Variants in CSMD1 observed in about 807,000 individuals in gnomAD.
CSMD1 encodes the protein CUB and Sushi multiple domains 1, also known as CUB and sushi domain-containing protein 1.
In CSMD1, 213 loss-of-function variants were observed where a neutral mutation model predicts 417.5. That is an observed-to-expected ratio of 0.51 (90% CI 0.46 to 0.57). CSMD1 has a LOEUF of 0.57. CSMD1 is among the 20% of genes least tolerant of loss of function. The pLI, the probability that CSMD1 is intolerant of heterozygous loss-of-function variation, is 0.00. For missense variants in CSMD1, 6,923 were observed against 4,529.7 expected, an observed-to-expected ratio of 1.53 and a Z score of -15.17; for synonymous variants, 2,862 against 1,736.8, an observed-to-expected ratio of 1.65 and a Z score of -16.11.
intron 1 of CSMD1, among the ~76,000 whole-genome samples, chr8:4,955,023 G>C (rs968921164): frequency 2.6e-5 from 4 of 152,156 alleles, no homozygotes; most frequent in Non-Finnish European, 4.4e-5. Context: ...GAGAAAGCCA[G>C]CTGATTTTCT....
At chr8:4,993,923 C>A (rs1278967841) in intron 1 of CSMD1, among the ~76,000 whole-genome samples, 3 of 152,124 alleles carry the variant, frequency 2.0e-5, no homozygotes, top group African/African-American at 7.2e-5. Flanking sequence ...CTTTCCCAGG[C>A]GCGTCGGGTC....
At chr8:4,153,665 C>T (rs577213225) in intron 3 of CSMD1, among the ~76,000 whole-genome samples, 10 of 152,308 alleles carry the variant, frequency 6.6e-5, no homozygotes, top group East Asian at 1.9e-4. Context: ...TTTCTCATAA[C>T]GTCACTGCCT....
intron 1 of CSMD1, among the ~76,000 whole-genome samples, chr8:4,841,613 A>AT (rs1456153995): frequency 1.2e-4 from 19 of 152,134 alleles, no homozygotes; most frequent in African/African-American, 4.6e-4. Flanking sequence ...AAATAATCAT[A>AT]TAGAAGTTCA....
chr8:3,585,205 G>A (rs1004251748), intron 9 of CSMD1, among the ~76,000 whole-genome samples: 1 of 152,190 alleles, frequency 6.6e-6, no homozygotes, highest in East Asian at 1.9e-4. Context: ...CGATAGTGAC[G>A]TGTTTGGTAA....
In CSMD1 at chr8:3,894,034, C is replaced by G. The variant is rs562098907; in HGVS notation, c.818+103869G>C. On this transcript the variant is annotated intron_variant, in intron 5 of 69. Transcript: ENST00000635120. ...GTAAAACTCCCATAAAGGGAGTCTC[C>G]ATAGTGCTGGTCATTGCTGCCACAT... 1.1e-4 allele frequency among the ~76,000 whole-genome samples: 17 copies of G among 152,180 alleles called. No individual in the cohort carries two copies. In the South Asian group the frequency reaches 3.6e-3, roughly 32 times the overall value.
chr8:4,929,280 T>G (rs1470080467), intron 1 of CSMD1, among the ~76,000 whole-genome samples: 2 of 152,174 alleles, frequency 1.3e-5, no homozygotes, highest in Admixed American at 1.3e-4. Flanking sequence ...ACCGTCGTTG[T>G]GGACTTCCAG....
chr8:4,632,718 C>A (rs1802597036), intron 2 of CSMD1, among the ~76,000 whole-genome samples: 1 of 152,120 alleles, frequency 6.6e-6, no homozygotes, highest in Non-Finnish European at 1.5e-5. Context: ...AGTAGGTGGC[C>A]AGTGTTACAG....
At chr8:3,711,612 G>C (rs1390110294) in intron 6 of CSMD1, among the ~76,000 whole-genome samples, 8 of 152,098 alleles carry the variant, frequency 5.3e-5, no homozygotes, top group Admixed American at 5.2e-4. Context: ...CTGTGTTGTG[G>C]TGACAAATAT....
At chr8:3,560,754 G>C (rs1178049496) in intron 10 of CSMD1, among the ~76,000 whole-genome samples, 2 of 152,170 alleles carry the variant, frequency 1.3e-5, no homozygotes, top group Non-Finnish European at 2.9e-5. Flanking sequence ...CCTTTCAGGA[G>C]AACTTTTTTG....
intron 59 of CSMD1, among the ~76,000 whole-genome samples, chr8:2,964,436 G>T (rs966212365): frequency 3.3e-5 from 5 of 152,196 alleles, no homozygotes; most frequent in African/African-American, 1.2e-4. Flanking sequence ...GAAGAGACCT[G>T]AGCTACATGG....
At chr8:4,969,032 C>A (rs1285330111) in intron 1 of CSMD1, among the ~76,000 whole-genome samples, 1 of 152,180 alleles carries the variant, frequency 6.6e-6, no homozygotes, top group East Asian at 1.9e-4. Flanking sequence ...AGCCACTATT[C>A]ACTCTCCAGA....
At chr8:4,578,335 T>TTTCTTTTTTA (rs1563303583) in intron 2 of CSMD1, among the ~76,000 whole-genome samples, 2 of 126,048 alleles carry the variant, frequency 1.6e-5, no homozygotes, top group African/African-American at 7.6e-5. Context: ...CCGGCTCATT[T>TTTCTTTTTTA]TTTTTTTTTT....
chr8:4,515,176 T>G (rs1803048924), intron 2 of CSMD1, among the ~76,000 whole-genome samples: 1 of 152,180 alleles, frequency 6.6e-6, no homozygotes, highest in Non-Finnish European at 1.5e-5. Context: ...AGGAACTGCT[T>G]CTAACTTCTC....
At chr8:4,152,793 G>A (rs924413243) in intron 3 of CSMD1, among the ~76,000 whole-genome samples, 2 of 152,030 alleles carry the variant, frequency 1.3e-5, no homozygotes, top group Admixed American at 6.6e-5. Context: ...CATTTTTATG[G>A]GAATATACAC....
At chr8:3,013,875 A>T (rs1427350484) in intron 52 of CSMD1, among the ~76,000 whole-genome samples, 1 of 152,166 alleles carries the variant, frequency 6.6e-6, no homozygotes, top group African/African-American at 2.4e-5. Context: ...GATTCTGGAT[A>T]TGGGATTCCT....
At chr8:3,695,044 G>C (rs1800469377) in intron 7 of CSMD1, among the ~76,000 whole-genome samples, 1 of 150,212 alleles carries the variant, frequency 6.7e-6, no homozygotes. Context: ...AAGAGAAAAA[G>C]TCACGTGGAA....
At chr8:4,838,276 G>C (rs757946518) in intron 1 of CSMD1, among the ~76,000 whole-genome samples, 11 of 152,186 alleles carry the variant, frequency 7.2e-5, no homozygotes, top group African/African-American at 2.2e-4. Flanking sequence ...GTGTCAAAGT[G>C]TCAGGAGACG....
chr8:3,402,890 T>C (rs1812125174), intron 15 of CSMD1, among the ~76,000 whole-genome samples: 1 of 152,144 alleles, frequency 6.6e-6, no homozygotes, highest in African/African-American at 2.4e-5. Flanking sequence ...CATTTTGTTC[T>C]ACGTTAGAGG....
At chr8:4,928,501 A>AGGC (rs1807026527) in intron 1 of CSMD1, among the ~76,000 whole-genome samples, 1 of 152,196 alleles carries the variant, frequency 6.6e-6, no homozygotes, top group Non-Finnish European at 1.5e-5. Flanking sequence ...GAGCCTGAGC[A>AGGC]AGTTACTGGC....
Sources: allele counts gnomAD v4.1 joint callset (sites outside exome capture counted in the v4.1 genomes callset), GRCh38; gene constraint gnomAD v4.1.1; transcripts MANE v1.5; gene names NCBI Gene and HGNC (gene_info 2026-07-23, HGNC 2026-07-21).